Variants in PDE1C observed in about 807,000 individuals in gnomAD.
The protein encoded by PDE1C is dual specificity calcium/calmodulin-dependent 3',5'-cyclic nucleotide phosphodiesterase 1C.
A neutral mutation model predicts 93.1 loss-of-function variants in PDE1C; 62 were observed. That is an observed-to-expected ratio of 0.67 (90% CI 0.54 to 0.82). PDE1C has a LOEUF of 0.82. Ranked by LOEUF, PDE1C falls within the 40% of genes least tolerant of loss-of-function variation. The probability of loss-of-function intolerance (pLI) is 0.00; values close to 1 mark genes in which losing one functional copy is unlikely to be tolerated. For synonymous variants in PDE1C, 325 were observed against 310.1 expected (o/e 1.05, Z -0.50); for missense variants, 742 against 884.6 (o/e 0.84, Z 2.04).
intron 2 of PDE1C, among the ~76,000 whole-genome samples, chr7:31,921,293 T>C (rs796715698): frequency 3.3e-5 from 5 of 152,292 alleles, no homozygotes; most frequent in African/African-American, 1.2e-4. Flanking sequence ...TGCAGATTGT[T>C]TGGGAGTGAG....
chr7:32,129,632 T>A (rs1799812480), intron 3 of PDE1C, among the ~76,000 whole-genome samples: 1 of 151,962 alleles, frequency 6.6e-6, no homozygotes, highest in Non-Finnish European at 1.5e-5. Flanking sequence ...CTCACTCTTG[T>A]TTTTTTCAAT....
chr7:32,152,370 C>T (rs1265277245), intron 3 of PDE1C, among the ~76,000 whole-genome samples: 3 of 152,242 alleles, frequency 2.0e-5, no homozygotes, highest in Non-Finnish European at 2.9e-5. Flanking sequence ...ACAGTCCTCA[C>T]ATGAGCAGTG....
intron 2 of PDE1C, among the ~76,000 whole-genome samples, chr7:32,194,680 T>C (rs1158492771): frequency 6.6e-6 from 1 of 152,180 alleles, no homozygotes; most frequent in Non-Finnish European, 1.5e-5. Flanking sequence ...TTGAAGTGAG[T>C]TTTTAATAGC....
rs1400251500 is a variant in PDE1C, at chr7:32,420,357, ATATATATGTGTATATATATGTG to A, written c.310+7443_310+7464del. On this transcript the variant is annotated intron_variant, in intron 1 of 1. Coordinates refer to the PDE1C transcript ENST00000672256. Reference sequence around the variant, plus strand: ...TATATATGTGTATATATATGTGTATATATATATGTGTATATATATGTGTATATATATATATACACACACACAC... The same window carrying A: ...TATATATGTGTATATATATGTGTATATATATATATATATACACACACACAC... 7.3e-4 allele frequency among the ~76,000 whole-genome samples: 16 copies of A among 22,024 alleles called. 5 individuals carry two copies. Among genetic ancestry groups the A allele is most frequent in the Non-Finnish European group, 1.4e-3 (15 of 10,992 alleles). The allele number at this position is 22,024 out of a possible 152,430, so 14.4% of individuals were successfully genotyped here.
At chr7:31,724,698 A>G in the PDE1C span, among the ~76,000 whole-genome samples, 6 of 152,300 alleles carry the variant, frequency 3.9e-5, no homozygotes, top group Admixed American at 3.3e-4. Flanking sequence ...GCAGCTCTAA[A>G]TATCTGCCCC....
At chr7:31,904,767 A>G (rs1800387874) in intron 2 of PDE1C, among the ~76,000 whole-genome samples, 1 of 152,148 alleles carries the variant, frequency 6.6e-6, no homozygotes, top group Non-Finnish European at 1.5e-5. Flanking sequence ...CATGCCTATA[A>G]CTGATTAACT....
intron 1 of PDE1C, among the ~76,000 whole-genome samples, chr7:32,232,791 T>A (rs1256369362): frequency 6.6e-6 from 1 of 152,190 alleles, no homozygotes; most frequent in Non-Finnish European, 1.5e-5. Context: ...GTGACATACT[T>A]GGGACAGATC....
At chr7:31,692,712 T>C in the PDE1C span, among the ~76,000 whole-genome samples, 2 of 152,112 alleles carry the variant, frequency 1.3e-5, no homozygotes, top group African/African-American at 2.4e-5. Context: ...ATGTAAATAT[T>C]AGCTGAAGCA....
At chr7:31,952,175 T>C (rs1342924663) in intron 2 of PDE1C, among the ~76,000 whole-genome samples, 4 of 152,140 alleles carry the variant, frequency 2.6e-5, no homozygotes, top group Non-Finnish European at 5.9e-5. Flanking sequence ...TTTTATCTAA[T>C]AGTCTATTCC....
intron 1 of PDE1C, among the ~76,000 whole-genome samples, chr7:32,338,994 C>T (rs1217562417): frequency 6.9e-6 from 1 of 145,016 alleles, no homozygotes; most frequent in Non-Finnish European, 1.5e-5. Flanking sequence ...CAGAGCTAGA[C>T]TCCATCTCAA....
At chr7:31,962,341 G>A (rs928824841) in intron 2 of PDE1C, among the ~76,000 whole-genome samples, 3 of 152,208 alleles carry the variant, frequency 2.0e-5, no homozygotes, top group African/African-American at 7.2e-5. Context: ...ACAGAAAAGT[G>A]AGTCCTTTAG....
At chr7:32,074,048 A>ATTTTGT (rs1348409041), upstream of PDE1C, among the ~76,000 whole-genome samples, 1 of 152,206 alleles carries the variant, frequency 6.6e-6, no homozygotes, top group Non-Finnish European at 1.5e-5. Flanking sequence ...TCATGTATGC[A>ATTTTGT]TGCATACATA....
At chr7:31,886,865 T>TTTTTGG (rs1185305524) in intron 2 of PDE1C, among the ~76,000 whole-genome samples, 15 of 151,218 alleles carry the variant, frequency 9.9e-5, no homozygotes, top group Admixed American at 2.6e-4. Context: ...AGAATAGATC[T>TTTTTGG]ATTCGGATCT....
chr7:32,282,485 A>AATAGATAGCTAGCTAGATAGATAG (rs376678996), intron 1 of PDE1C, among the ~76,000 whole-genome samples: 5 of 143,860 alleles, frequency 3.5e-5, no homozygotes, highest in Non-Finnish European at 3.0e-5. Context: ...TCAAAAAAAA[A>AATAGATAGCTAGCTAGATAGATAG]ATAGATAGAT....
chr7:32,081,829 C>G (rs183266401), intron 3 of PDE1C, among the ~76,000 whole-genome samples: 1 of 152,194 alleles, frequency 6.6e-6, no homozygotes, highest in African/African-American at 2.4e-5. Flanking sequence ...ATTTAATAAC[C>G]ATGGCTTTTA....
the PDE1C span, among the ~76,000 whole-genome samples, chr7:31,724,244 G>A: frequency 2.3e-4 from 35 of 152,160 alleles, no homozygotes; most frequent in Middle Eastern, 0.014. Flanking sequence ...CCATGCTTAG[G>A]GGCATGGAAG....
At chr7:31,673,027 T>C in the PDE1C span, among the ~76,000 whole-genome samples, 1 of 152,212 alleles carries the variant, frequency 6.6e-6, no homozygotes, top group African/African-American at 2.4e-5. Context: ...CCTTGCACCA[T>C]GAATGTAAGT....
intron 3 of PDE1C, among the ~76,000 whole-genome samples, chr7:32,088,241 A>G (rs958474434): frequency 1.3e-5 from 2 of 152,174 alleles, no homozygotes; most frequent in Non-Finnish European, 2.9e-5. Context: ...GCTGCAGAAC[A>G]TTTCAAGGCA....
intron 7 of PDE1C, among the ~76,000 whole-genome samples, chr7:31,859,626 A>G (rs1036060088): frequency 1.3e-5 from 2 of 151,944 alleles, no homozygotes; most frequent in Non-Finnish European, 2.9e-5. Flanking sequence ...TGTTTAAGTG[A>G]TAGGATGACC....
Sources: gnomAD v4.1 joint callset for allele counts (sites outside exome capture counted in the v4.1 genomes callset) on GRCh38, gnomAD v4.1.1 for gene constraint, MANE v1.5 for transcripts, NCBI Gene and HGNC (gene_info 2026-07-23, HGNC 2026-07-21) for gene names.